Variants in DOCK6 observed in about 807,000 individuals in gnomAD.
DOCK6 encodes the protein dedicator of cytokinesis protein 6.
DOCK6 carries 167 observed loss-of-function variants against 230.3 expected under a neutral mutation model. The observed-to-expected ratio is 0.73, with a 90% CI of 0.64 to 0.82. The LOEUF (loss-of-function observed/expected upper bound fraction) is 0.82. Among genes scored for constraint, DOCK6 ranks in the 40% least tolerant of loss-of-function variants. DOCK6 has a pLI of 0.00. For missense variants in DOCK6, 2,598 were observed against 2,825.8 expected (o/e 0.92, Z 1.83); for synonymous variants, 1,148 against 1,185.0 (o/e 0.97, Z 0.64).
chr19:11,242,398 GTT>G (rs2079961821), intron 13 of DOCK6, among the ~76,000 whole-genome samples, 191 bp from the exon 14 acceptor site: 1 of 151,680 alleles, frequency 6.6e-6, no homozygotes, highest in Non-Finnish European at 1.5e-5. Flanking sequence ...TTTCGTTTTT[GTT>G]TTTCTTTTTT....
chr19:11,252,359 C>A, intron 4 of DOCK6, 111 bp from the exon 5 acceptor site: 1 of 1,579,814 alleles, frequency 6.3e-7, no homozygotes. Context: ...CCTTGTGCTC[C>A]ACCAGACAAG....
intron 28 of DOCK6, among the ~76,000 whole-genome samples, chr19:11,219,226 TAGGC>T (rs2079543917): frequency 9.7e-6 from 1 of 103,040 alleles, no homozygotes; most frequent in Non-Finnish European, 1.9e-5. Context: ...CTCTGTTGCC[TAGGC>T]TGGAGTGCAG....
At chr19:11,209,200 T>C (rs1174013381) in intron 37 of DOCK6, 97 bp from the exon 38 acceptor site, 2 of 1,433,626 alleles carry the variant, frequency 1.4e-6, no homozygotes, top group African/African-American at 2.8e-5. Flanking sequence ...TACCCCCATG[T>C]CCGCCCCAAG....
chr19:11,229,087 C>G, intron 22 of DOCK6, 52 bp from the exon 23 acceptor site: 2 of 1,553,414 alleles, frequency 1.3e-6, no homozygotes, highest in Non-Finnish European at 8.8e-7. Flanking sequence ...CCTTCCCGTA[C>G]CCCCTCTGGA....
In DOCK6 at chr19:11,243,610, G is replaced by A. The variant is rs1381761927; in HGVS notation, c.1205C>T (p.Ala402Val). The A allele has an allele frequency of 6.2e-7, 1 of 1,611,202 alleles. No individual in the cohort carries two copies. The highest frequency in any genetic ancestry group is 8.5e-7 in the Non-Finnish European group (1 of 1,179,276). Residue 402 changes from alanine to valine, a missense_variant, in exon 11 of 48, where the codon GCC becomes GTC. Transcript: ENST00000294618. This position sits in a 1 kb window ranked among gnomAD's most constrained non-coding sequence, Gnocchi z 6.3. ...MPFAWTAVHL[A>V]NIVSSAGQLD... ...CTGCCCAGCGCTGCTCACGATGTTG[G>A]CCAAGTGCACGGCCGTCCAGGCGAA...
At chr19:11,241,677 TC>T in intron 14 of DOCK6, 1 of 1,583,462 alleles carries the variant, frequency 6.3e-7, no homozygotes, top group Non-Finnish European at 8.6e-7. Context: ...ACAGCGGCGC[TC>T]CCAGCCTGAA....
intron 28 of DOCK6, among the ~76,000 whole-genome samples, chr19:11,220,659 C>T (rs2079564727): frequency 1.3e-5 from 2 of 152,034 alleles, no homozygotes; most frequent in Admixed American, 1.3e-4. Context: ...CAGAAGCAGA[C>T]ACATGGATGA....
Position 11,262,452 on chromosome 19 carries a change from C to T in DOCK6, c.-12G>A. The T allele has an allele frequency of 8.5e-7, 1 of 1,183,300 alleles. No individual in the cohort carries two copies. Among genetic ancestry groups the T allele is most frequent in the Non-Finnish European group, 1.0e-6 (1 of 958,032 alleles). The allele number at this position is 1,183,300 out of a possible 1,614,324, so 73.3% of individuals were successfully genotyped here. ...TCGGAGGCAGCCATGGTCCTCGCGT[C>T]CCGCCGCCGCCGCCCCGGGCCCCGG... On this transcript the variant is annotated 5_prime_UTR_variant, in exon 1 of 48. Coordinates refer to ENST00000294618, the MANE Select transcript of DOCK6 (RefSeq NM_020812.4).
chr19:11,232,693 A>G (rs1292139549), intron 22 of DOCK6, among the ~76,000 whole-genome samples: 7 of 151,890 alleles, frequency 4.6e-5, no homozygotes, highest in African/African-American at 1.5e-4. Flanking sequence ...ATGTATACAC[A>G]CTTGTGTCCA....
chr19:11,202,629 C>T lies in DOCK6; in HGVS notation c.5316G>A (p.Lys1772=), dbSNP rs1329834697. 6.2e-7 allele frequency: 1 copy of T among 1,614,036 alleles called. No individual in the cohort carries two copies. Among genetic ancestry groups the T allele is most frequent in the South Asian group, 1.1e-5 (1 of 91,080 alleles). ...CTGCCAGCTTCGTGATCGATGGCTC[C>T]TTGTACACAAACTCCTGCTCATCCA... ...GDLDEQEFVY[K]EPSITKLAEI... The change falls in exon 42 of 48, where the codon AAG becomes AAA. Residue 1772 remains lysine, a synonymous_variant. Coordinates refer to ENST00000294618, the MANE Select transcript of DOCK6 (RefSeq NM_020812.4). This position sits in a 1 kb window ranked among gnomAD's most constrained non-coding sequence, Gnocchi z 5.3.
chr19:11,235,995 C>T (rs2079841350), intron 20 of DOCK6: 1 of 524,052 alleles, frequency 1.9e-6, no homozygotes, highest in Non-Finnish European at 3.2e-6. Context: ...ATTCTCCTGC[C>T]TCAGCCTCCC....
intron 1 of DOCK6, among the ~76,000 whole-genome samples, chr19:11,258,938 G>T (rs533803943): frequency 3.7e-4 from 56 of 151,374 alleles, no homozygotes; most frequent in Non-Finnish European, 7.5e-4. Context: ...TATATTTTTC[G>T]TAGAGATGGG....
intron 39 of DOCK6, among the ~76,000 whole-genome samples, chr19:11,205,210 T>C (rs188113473): frequency 2.6e-5 from 4 of 152,312 alleles, no homozygotes; most frequent in East Asian, 3.9e-4. Flanking sequence ...TATGGTTTTT[T>C]TTCGTAATCT....
At chr19:11,252,407 G>C in intron 4 of DOCK6, 75 bp downstream of exon 4, 4 of 1,596,486 alleles carry the variant, frequency 2.5e-6, no homozygotes, top group Non-Finnish European at 3.4e-6. Flanking sequence ...CAGATACACA[G>C]TAGGACCGGC....
At chr19:11,238,985 C>A (rs970348109) in intron 14 of DOCK6, 13 of 155,614 alleles carry the variant, frequency 8.4e-5, no homozygotes, top group Admixed American at 3.2e-4. Context: ...GTTCTAAGCA[C>A]TCAACATGAA....
At chr19:11,212,579 T>TTTTTG (rs1243613414) in intron 35 of DOCK6, among the ~76,000 whole-genome samples, 3 of 149,378 alleles carry the variant, frequency 2.0e-5, no homozygotes, top group Middle Eastern at 3.2e-3. Flanking sequence ...TTTTTTTTTT[T>TTTTTG]TGAGACTGAG....
Position 11,222,717 on chromosome 19 carries a change from G to A in DOCK6, c.3240+18C>T, listed in dbSNP as rs2079599472. ...GGTTGTAGGTCAAAGAGAGGAGGCA[G>A]AAGTGAAGGCAGCCCACCTGGGAGG... On this transcript the variant is annotated intron_variant, in intron 26 of 47. Coordinates refer to ENST00000294618, the MANE Select transcript of DOCK6 (RefSeq NM_020812.4). The surrounding 1 kb of genome is among the most constrained non-coding windows in gnomAD (Gnocchi z 4.0). The A allele has an allele frequency of 1.9e-6, 3 of 1,556,168 alleles. No individual in the cohort carries two copies. Among genetic ancestry groups the A allele is most frequent in the Non-Finnish European group, 2.6e-6 (3 of 1,148,320 alleles).
rs753623253 is a variant in DOCK6, at chr19:11,243,603, G to A, written c.1212C>T (p.Ile404=). The A allele has an allele frequency of 2.5e-6, 4 of 1,610,994 alleles. No individual in the cohort carries two copies. The highest frequency in any genetic ancestry group is 1.7e-4 in the Middle Eastern group (1 of 6,034). ...FAWTAVHLAN[I]VSSAGQLDRD... ...GGTCCAGCTGCCCAGCGCTGCTCAC[G>A]ATGTTGGCCAAGTGCACGGCCGTCC... Residue 404 remains isoleucine, a synonymous_variant, in exon 11 of 48, where the codon ATC becomes ATT. Coordinates refer to ENST00000294618, the MANE Select transcript of DOCK6 (RefSeq NM_020812.4). The surrounding 1 kb of genome is among the most constrained non-coding windows in gnomAD (Gnocchi z 6.3).
chr19:11,213,037 C>G (rs557103976), intron 35 of DOCK6, 139 bp downstream of exon 35: 2 of 1,175,656 alleles, frequency 1.7e-6, no homozygotes, highest in Admixed American at 5.3e-5. Flanking sequence ...CACCTGACCC[C>G]CAATTGCATT....
Sources: gnomAD v4.1 joint callset for allele counts (sites outside exome capture counted in the v4.1 genomes callset) on GRCh38, gnomAD v4.1.1 for gene constraint, Gnocchi (gnomAD v3.1) non-coding constraint, MANE v1.5 for transcripts, NCBI Gene and HGNC (gene_info 2026-07-23, HGNC 2026-07-21) for gene names.